The following OR1E2 variants were observed in gnomAD, a reference collection of about 807,000 sequenced individuals.
OR1E2 encodes olfactory receptor family 1 subfamily E member 2, also known as olfactory receptor 1E2.
A neutral mutation model predicts 5.6 loss-of-function variants in OR1E2; 6 were observed. The ratio of observed to expected loss-of-function variants is 1.08; its 90% CI spans 0.59 to 2.12. The LOEUF (loss-of-function observed/expected upper bound fraction) is 2.12, where lower values mean the gene tolerates loss of function less well. OR1E2 is among the 30% of genes most tolerant of loss of function. The pLI is 0.00. For missense variants in OR1E2, 344 were observed against 391.4 expected, an observed-to-expected ratio of 0.88 and a Z score of 1.02; for synonymous variants, 135 against 157.4, an observed-to-expected ratio of 0.86 and a Z score of 1.06.
In OR1E2 at chr17:3,433,716, G is replaced by A. The variant is rs369625122; in HGVS notation, c.126C>T (p.Asn42=). 3.7e-6 allele frequency: 6 copies of A among 1,613,988 alleles called. No homozygotes were observed. Among genetic ancestry groups the A allele is most frequent in the Non-Finnish European group, 5.1e-6 (6 of 1,180,026 alleles). ...GTCGAATGAGGACAATGATGAGGAG[G>A]TTCCCCAGGAGGGTGGTAAGATACA... ...LAMYLTTLLG[N]LLIIVLIRLD... Residue 42 remains asparagine (N), a synonymous_variant, in exon 1 of 1, where the codon AAC becomes AAT. Coordinates refer to ENST00000248384, the MANE Select transcript of OR1E2 (RefSeq NM_003554.2).
Position 3,433,351 on chromosome 17 carries a change from T to G in OR1E2, c.491A>C (p.His164Pro), listed in dbSNP as rs1184683818. 6.2e-7 allele frequency: 1 copy of G among 1,613,822 alleles called. No homozygotes were observed. The highest frequency in any genetic ancestry group is 8.5e-7 in the Non-Finnish European group (1 of 1,180,004). Residue 164 changes from histidine (H) to proline (P), a missense_variant, in exon 1 of 1, where the codon CAT (histidine) becomes CCT (proline). By Grantham distance (77) the His-to-Pro change is moderately conservative. Transcript: ENST00000248384. ...VALSWVLTTF[H>P]AMLHTLLMAR... ...CATGAGTAAAGTGTGTAACATGGCA[T>G]GGAAGGTGGTCAGCACCCAGGACAG...
rs773114809 is a variant in OR1E2, at chr17:3,433,104, G to A, written c.738C>T (p.Ala246=). Residue 246 remains alanine (A), a synonymous_variant, in exon 1 of 1, where the codon GCC becomes GCT. Coordinates refer to ENST00000248384, the MANE Select transcript of OR1E2 (RefSeq NM_003554.2). ...AGAGGTGGGAGCCACAAGTAGAGAAGGCCTTGCAGATACCCTTAGAAGAAG... is the reference window on the plus strand; with the variant it reads ...AGAGGTGGGAGCCACAAGTAGAGAAAGCCTTGCAGATACCCTTAGAAGAAG... ...KVPSSKGICK[A]FSTCGSHLSV... The A allele has an allele frequency of 6.2e-7, 1 of 1,612,860 alleles. No individual in the cohort carries two copies.
Position 3,433,575 on chromosome 17 carries a change from G to T in OR1E2, c.267C>A (p.Asp89Glu). 6.2e-7 allele frequency: 1 copy of T among 1,614,238 alleles called. No individual in the cohort carries two copies. The highest frequency in any genetic ancestry group is 8.5e-7 in the Non-Finnish European group (1 of 1,180,044). ...GGCAGTCTGCATAGGGGATGGATGG[G>T]TCTTGGTTCTGCATGTTCTGCAGCA... ...PKLLQNMQNQDPSIPYADCLT... is the reference protein window; with the variant it reads ...PKLLQNMQNQEPSIPYADCLT... The change falls in exon 1 of 1, where the codon GAC (aspartate) becomes GAA (glutamate). Residue 89 changes from aspartate (D) to glutamate (E), a missense_variant. Coordinates refer to ENST00000248384, the MANE Select transcript of OR1E2 (RefSeq NM_003554.2).
rs2072513789 is a variant in OR1E2, at chr17:3,433,470, C to T, written c.372G>A (p.Val124=). The change falls in exon 1 of 1, where the codon GTG becomes GTA. Residue 124 remains valine (V), a synonymous_variant. Transcript: ENST00000248384. ...TGTAGTGCATGGGGAAGCAGATGGC[C>T]ACATAGCGGTCATAGGCCATGGCCA... ...LLVAMAYDRY[V]AICFPMHYTA... The T allele has an allele frequency of 6.2e-7, 1 of 1,613,144 alleles. No individual in the cohort carries two copies. Among genetic ancestry groups the T allele is most frequent in the South Asian group, 1.1e-5 (1 of 91,024 alleles).
rs751143374 is a variant in OR1E2, at chr17:3,433,041, G to A, written c.801C>T (p.Leu267=). The change falls in exon 1 of 1, where the codon CTC becomes CTT. Residue 267 remains leucine (L), a synonymous_variant. Coordinates refer to ENST00000248384, the MANE Select transcript of OR1E2 (RefSeq NM_003554.2). ...AACTATTAGCTGATGGGCATAAGTA[G>A]AGACCAATAACGGTCCCATAGAACA... ...VSLFYGTVIG[L]YLCPSANSST... The A allele has an allele frequency of 6.2e-7, 1 of 1,613,986 alleles. No homozygotes were observed. Among genetic ancestry groups the A allele is most frequent in the African/African-American group, 1.3e-5 (1 of 75,014 alleles).
At position 3,433,592 on chromosome 17, in the gene OR1E2, T is replaced by G. The variant is rs776128440; in HGVS notation, c.250A>C (p.Asn84His). 14 of 1,614,096 alleles carry G rather than the reference T, an allele frequency of 8.7e-6. No individual in the cohort carries two copies. Among genetic ancestry groups the G allele is most frequent in the Non-Finnish European group, 5.1e-6 (6 of 1,180,050 alleles). Residue 84 changes from asparagine to histidine, a missense_variant, in exon 1 of 1, where the codon AAC (asparagine) becomes CAC (histidine). Physicochemically the swap from Asn to His is moderately conservative, Grantham distance 68. Transcript: ENST00000248384. The part of the protein sequence containing the change: ...SSVTMPKLLQ[N>H]MQNQDPSIPY... ...ATGGATGGGTCTTGGTTCTGCATGT[T>G]CTGCAGCAATTTGGGCATTGTGACT... is the stretch of plus-strand genomic sequence containing the variant.
rs775159961 is a variant in OR1E2, at chr17:3,433,339, T to C, written c.503A>G (p.His168Arg). The C allele has an allele frequency of 4.3e-6, 7 of 1,613,974 alleles. No individual in the cohort carries two copies. The highest frequency in any genetic ancestry group is 1.7e-5 in the Admixed American group (1 of 60,018). Residue 168 changes from histidine to arginine, a missense_variant, in exon 1 of 1, where the codon CAC (histidine) becomes CGC (arginine). By Grantham distance (29) the His-to-Arg change is conservative (BLOSUM62 0). Coordinates refer to ENST00000248384, the MANE Select transcript of OR1E2 (RefSeq NM_003554.2). ...ACACAACCTGGCCATGAGTAAAGTGTGTAACATGGCATGGAAGGTGGTCAG... is the reference window on the plus strand; with the variant it reads ...ACACAACCTGGCCATGAGTAAAGTGCGTAACATGGCATGGAAGGTGGTCAG... ...WVLTTFHAML[H>R]TLLMARLCFC...
In OR1E2 at chr17:3,433,260, C is replaced by T; in HGVS notation, c.582G>A (p.Leu194=). The T allele has an allele frequency of 1.2e-6, 2 of 1,614,092 alleles. No homozygotes were observed. Among genetic ancestry groups the T allele is most frequent in the Non-Finnish European group, 1.7e-6 (2 of 1,179,970 alleles). Residue 194 remains leucine, a synonymous_variant, in exon 1 of 1, where the codon CTG becomes CTA. Transcript: ENST00000248384. ...PHFFCDMSAL[L]KLACSDTRVN... ...CTCGAGTGTCAGAGCAGGCCAGCTT[C>T]AGCAGAGCAGACATATCACAGAAAA...
At position 3,432,989 on chromosome 17, in the gene OR1E2, T is replaced by C. The variant is rs1404821382; in HGVS notation, c.853A>G (p.Met285Val). 5.0e-6 allele frequency: 8 copies of C among 1,613,862 alleles called. No individual in the cohort carries two copies. The highest frequency in any genetic ancestry group is 3.3e-5 in the South Asian group (3 of 91,070). The change falls in exon 1 of 1, where the codon ATG becomes GTG. Residue 285 changes from methionine (M) to valine (V), a missense_variant. Met to Val is a conservative substitution (Grantham distance 21). Coordinates refer to ENST00000248384, the MANE Select transcript of OR1E2 (RefSeq NM_003554.2). ...SSTLKDTVMA[M>V]MYTVVTPMLT... ...ATAGGGGTCACCACAGTGTACATCA[T>C]AGCCATGACAGTGTCCTTTAGAGTA...
chr17:3,433,448 A>G lies in OR1E2; in HGVS notation c.394T>C (p.Tyr132His). ...TGCAGGAGGAAGCAGATGGCGGTGT[A>G]GTGCATGGGGAAGCAGATGGCCACA... is the stretch of plus-strand genomic sequence containing the variant. The part of the protein sequence containing the change: ...RYVAICFPMH[Y>H]TAICFLLHYT... The change falls in exon 1 of 1, where the codon TAC becomes CAC. Residue 132 changes from tyrosine (Y) to histidine (H), a missense_variant. Transcript: ENST00000248384. 2 of 1,613,816 alleles carry G rather than the reference A, an allele frequency of 1.2e-6. No individual in the cohort carries two copies. Among genetic ancestry groups the G allele is most frequent in the South Asian group, 2.2e-5 (2 of 90,888 alleles).
At position 3,433,031 on chromosome 17, in the gene OR1E2, G is replaced by C; in HGVS notation, c.811C>G (p.Pro271Ala). ...YGTVIGLYLCPSANSSTLKDT... is the reference protein window; with the variant it reads ...YGTVIGLYLCASANSSTLKDT... ...TTTAGAGTAGAACTATTAGCTGATG[G>C]GCATAAGTAGAGACCAATAACGGTC... The change falls in exon 1 of 1, where the codon CCA becomes GCA. Residue 271 changes from proline (P) to alanine (A), a missense_variant. Pro to Ala is a conservative substitution (Grantham distance 27). Transcript: ENST00000248384. 1 of 1,613,410 alleles carries C rather than the reference G, an allele frequency of 6.2e-7. No individual in the cohort carries two copies. The highest frequency in any genetic ancestry group is 8.5e-7 in the Non-Finnish European group (1 of 1,179,930).
Position 3,432,956 on chromosome 17 carries a change from G to A in OR1E2, c.886C>T (p.Pro296Ser). 6.2e-7 allele frequency: 1 copy of A among 1,613,930 alleles called. No individual in the cohort carries two copies. The highest frequency in any genetic ancestry group is 1.3e-5 in the African/African-American group (1 of 75,018). The change falls in exon 1 of 1, where the codon CCC (proline) becomes TCC (serine). Residue 296 changes from proline to serine, a missense_variant. By Grantham distance (74) the Pro-to-Ser change is moderately conservative. Transcript: ENST00000248384. ...CTGTTCCTCAGGCTGTAGATGAAGG[G>A]GGTCAGCATAGGGGTCACCACAGTG... Reference protein sequence around the residue: ...MYTVVTPMLTPFIYSLRNRDM... With the variant: ...MYTVVTPMLTSFIYSLRNRDM...
In OR1E2 at chr17:3,433,146, G is replaced by A. The variant is rs2072510172; in HGVS notation, c.696C>T (p.Ser232=). 1 of 1,613,754 alleles carries A rather than the reference G, an allele frequency of 6.2e-7. No homozygotes were observed. Among genetic ancestry groups the A allele is most frequent in the African/African-American group, 1.3e-5 (1 of 74,888 alleles). The change falls in exon 1 of 1, where the codon TCC becomes TCT. Residue 232 remains serine, a synonymous_variant. Transcript: ENST00000248384. ...LILGSYARIV[S]SILKVPSSKG... ...TAGAAGAAGGGACCTTGAGGATGGA[G>A]GAGACAATTCTTGCATAGGACCCAA...
At position 3,432,891 on chromosome 17, in the gene OR1E2, C is replaced by A. The variant is rs1462796518; in HGVS notation, c.951G>T (p.Arg317Ser). Residue 317 changes from arginine (R) to serine (S), a missense_variant, in exon 1 of 1, where the codon AGG becomes AGT. Coordinates refer to ENST00000248384, the MANE Select transcript of OR1E2 (RefSeq NM_003554.2). Reference protein sequence around the residue: ...KGALERVICKRKNPFLL With the variant: ...KGALERVICKSKNPFLL ...ACTGTCATAGAAGGAAGGGATTTTTCCTTTTACAAATGACCCTTTCCAGGG... is the reference window on the plus strand; with the variant it reads ...ACTGTCATAGAAGGAAGGGATTTTTACTTTTACAAATGACCCTTTCCAGGG... 6.2e-7 allele frequency: 1 copy of A among 1,605,348 alleles called. No homozygotes were observed. Among genetic ancestry groups the A allele is most frequent in the Admixed American group, 1.7e-5 (1 of 57,416 alleles).
chr17:3,433,579 T>G lies in OR1E2; in HGVS notation c.263A>C (p.Gln88Pro), dbSNP rs746326416. 1 of 1,614,162 alleles carries G rather than the reference T, an allele frequency of 6.2e-7. No individual in the cohort carries two copies. The highest frequency in any genetic ancestry group is 1.1e-5 in the South Asian group (1 of 91,086). The part of the protein sequence containing the change: ...MPKLLQNMQN[Q>P]DPSIPYADCL... ...GTCTGCATAGGGGATGGATGGGTCT[T>G]GGTTCTGCATGTTCTGCAGCAATTT... The change falls in exon 1 of 1, where the codon CAA becomes CCA. Residue 88 changes from glutamine (Q) to proline (P), a missense_variant. Physicochemically the swap from Gln to Pro is moderately conservative, Grantham distance 76. Transcript: ENST00000248384.
Position 3,433,159 on chromosome 17 carries a change from G to A in OR1E2, c.683C>T (p.Ala228Val). The change falls in exon 1 of 1, where the codon GCA becomes GTA. Residue 228 changes from alanine (A) to valine (V), a missense_variant. By Grantham distance (64) the Ala-to-Val change is moderately conservative. Transcript: ENST00000248384. Reference protein sequence around the residue: ...IPFLLILGSYARIVSSILKVP... With the variant: ...IPFLLILGSYVRIVSSILKVP... ...CTTGAGGATGGAGGAGACAATTCTT[G>A]CATAGGACCCAAGGATGAGTAGGAA... 1 of 1,613,910 alleles carries A rather than the reference G, an allele frequency of 6.2e-7. No individual in the cohort carries two copies. Among genetic ancestry groups the A allele is most frequent in the Non-Finnish European group, 8.5e-7 (1 of 1,179,846 alleles).
chr17:3,433,375 A>T lies in OR1E2; in HGVS notation c.467T>A (p.Leu156Gln), dbSNP rs2072512147. The T allele has an allele frequency of 6.2e-7, 1 of 1,614,008 alleles. No homozygotes were observed. The highest frequency in any genetic ancestry group is 1.7e-5 in the Admixed American group (1 of 60,006). The stretch of plus-strand genomic sequence containing the variant: ...ATGGAAGGTGGTCAGCACCCAGGAC[A>T]GCGCCACCACGGAGAGACAGAGCAT... Reference protein sequence around the residue: ...SPMLCLSVVALSWVLTTFHAM... With the variant: ...SPMLCLSVVAQSWVLTTFHAM... Residue 156 changes from leucine to glutamine, a missense_variant, in exon 1 of 1, where the codon CTG becomes CAG. Leu to Gln is a moderately radical substitution (Grantham distance 113, BLOSUM62 -2). Coordinates refer to ENST00000248384, the MANE Select transcript of OR1E2 (RefSeq NM_003554.2).
In OR1E2 at chr17:3,432,969, G is replaced by A. The variant is rs770447035; in HGVS notation, c.873C>T (p.Thr291=). ...TGTAGATGAAGGGGGTCAGCATAGG[G>A]GTCACCACAGTGTACATCATAGCCA... ...TVMAMMYTVV[T]PMLTPFIYSL... Residue 291 remains threonine, a synonymous_variant, in exon 1 of 1, where the codon ACC becomes ACT. Coordinates refer to ENST00000248384, the MANE Select transcript of OR1E2 (RefSeq NM_003554.2). 1.3e-5 allele frequency: 21 copies of A among 1,613,866 alleles called. No homozygotes were observed. The South Asian group carries it at 2.3e-4, about 18-fold the overall frequency.
rs2072514285 is a variant in OR1E2 at position 3,433,518 on chromosome 17, C to T, written c.324G>A (p.Ser108=). 2 of 1,614,048 alleles carry T rather than the reference C, an allele frequency of 1.2e-6. No individual in the cohort carries two copies. Among genetic ancestry groups the T allele is most frequent in the East Asian group, 2.2e-5 (1 of 44,870 alleles). ...CCACAAGGAGGAAGCTCTCTAGATC[C>T]GAAAAATACAAGAAGAAGTACATTT... ...LTQMYFFLYF[S]DLESFLLVAM... The change falls in exon 1 of 1, where the codon TCG becomes TCA. Residue 108 remains serine, a synonymous_variant. Transcript: ENST00000248384.
Sources: gnomAD v4.1 joint callset for allele counts on GRCh38, gnomAD v4.1.1 for gene constraint, MANE v1.5 for transcripts, NCBI Gene and HGNC (gene_info 2026-07-23, HGNC 2026-07-21) for gene names.